SIGLEC15: variants seen among roughly 807,000 people sequenced by gnomAD.
SIGLEC15 encodes sialic acid-binding Ig-like lectin 15.
SIGLEC15 carries 31 observed loss-of-function variants against 26.2 expected under a neutral mutation model. The ratio of observed to expected loss-of-function variants is 1.18; its 90% CI spans 0.89 to 1.60. The LOEUF is 1.60. Ranked by LOEUF, SIGLEC15 falls within the 40% of genes most tolerant of loss-of-function variation. The probability of loss-of-function intolerance (pLI) is 0.00; values close to 1 mark genes in which losing one functional copy is unlikely to be tolerated. For missense variants in SIGLEC15, 501 were observed against 488.4 expected (o/e 1.03, Z -0.24); for synonymous variants, 207 against 221.9 (o/e 0.93, Z 0.60).
intron 2 of SIGLEC15, 56 bp downstream of exon 2, chr18:45,837,144 ACG>A: frequency 5.0e-6 from 8 of 1,602,684 alleles, no homozygotes; most frequent in Non-Finnish European, 6.8e-6. Flanking sequence ...TGTTTTAACC[ACG>A]AGATCCCAGG....
intron 5 of SIGLEC15, 27 bp from the exon 6 acceptor site, chr18:45,842,079 G>C: frequency 6.2e-7 from 1 of 1,610,938 alleles, no homozygotes; most frequent in Non-Finnish European, 8.5e-7. Context: ...CTGTTTGGAT[G>C]ATCATTCAAC....
rs531349182 is a variant in SIGLEC15 at position 45,829,517 on chromosome 18, C to T, written c.52+3737C>T. Among the ~76,000 whole-genome samples, 31 of 152,324 alleles carry T rather than the reference C, an allele frequency of 2.0e-4. 1 individual carries two copies. The highest frequency in any genetic ancestry group is 3.4e-3 in the Middle Eastern group (1 of 294). On this transcript the variant is annotated intron_variant, in intron 1 of 5. Transcript: ENST00000389474. Reference sequence around the variant, plus strand: ...AGCTGCAATGAGCCTCAGCTCCACCCACATACCTACAGGTGAGGTCGACAG... The same window carrying T: ...AGCTGCAATGAGCCTCAGCTCCACCTACATACCTACAGGTGAGGTCGACAG...
intron 1 of SIGLEC15, among the ~76,000 whole-genome samples, chr18:45,830,752 ATTT>A (rs34498635): frequency 2.3e-3 from 273 of 118,124 alleles, no homozygotes; most frequent in African/African-American, 7.2e-3. Flanking sequence ...TGCCAGGCTA[ATTT>A]TTTTTTTTTT....
intron 1 of SIGLEC15, among the ~76,000 whole-genome samples, chr18:45,828,729 C>T (rs2048207116): frequency 6.6e-6 from 1 of 152,232 alleles, no homozygotes; most frequent in African/African-American, 2.4e-5. Flanking sequence ...ACCTCTCCCG[C>T]ACCCTCCTGC....
In SIGLEC15 at chr18:45,840,256, C is replaced by T. The variant is rs117658632; in HGVS notation, c.905+15C>T. 1.7e-3 allele frequency: 2,728 copies of T among 1,610,230 alleles called. 27 individuals carry two copies. In the East Asian group the frequency reaches 0.026, roughly 15 times the overall value. ...ACCCCACCACGGTAAGTGAGCTCCC[C>T]GCCTCCACCCTACCCTACCCCACCC... On this transcript the variant is annotated intron_variant, in intron 5 of 5. Transcript: ENST00000389474.
Position 45,830,688 on chromosome 18 carries a change from C to T in SIGLEC15, c.52+4908C>T, listed in dbSNP as rs566651795. On this transcript the variant is annotated intron_variant, in intron 1 of 5. Coordinates refer to ENST00000389474, the MANE Select transcript of SIGLEC15 (RefSeq NM_213602.3). ...GCAACCTCCGCCTCCCAGGTTCAAG[C>T]GAGTCTCCTGCCTCAGCCTCTCAAG... Among the ~76,000 whole-genome samples, 5 of 137,422 alleles carry T rather than the reference C, an allele frequency of 3.6e-5. No individual in the cohort carries two copies. In the East Asian group the frequency reaches 9.8e-4, roughly 27 times the overall value. The allele number at this position is 137,422 out of a possible 152,430, so 90.2% of individuals were successfully genotyped here.
At chr18:45,839,238 C>A in intron 4 of SIGLEC15, 143 bp downstream of exon 4, 1 of 1,179,568 alleles carries the variant, frequency 8.5e-7, no homozygotes, top group Non-Finnish European at 1.1e-6. Context: ...CCTCTCTTTG[C>A]ATGAAGCCCA....
At chr18:45,834,990 T>C (rs772928155) in intron 1 of SIGLEC15, among the ~76,000 whole-genome samples, 1 of 152,146 alleles carries the variant, frequency 6.6e-6, no homozygotes, top group South Asian at 2.1e-4. Flanking sequence ...GCAAGGTTCT[T>C]TGATGATTAA....
At position 45,837,054 on chromosome 18, in the gene SIGLEC15, T is replaced by C; in HGVS notation, c.78T>C (p.Asp26=). 8.4e-6 allele frequency: 13 copies of C among 1,545,934 alleles called. No individual in the cohort carries two copies. Among genetic ancestry groups the C allele is most frequent in the Non-Finnish European group, 1.2e-5 (13 of 1,118,236 alleles). The change falls in exon 2 of 6, where the codon GAT becomes GAC. Residue 26 remains aspartate (D), a synonymous_variant. Transcript: ENST00000389474. Reference sequence around the variant, plus strand: ...GCTCATTTGTGAGAACTAAAATAGATACTACGGAGAACTTGCTCAACACAG... The same window carrying C: ...GCTCATTTGTGAGAACTAAAATAGACACTACGGAGAACTTGCTCAACACAG... ...PTGSFVRTKI[D]TTENLLNTEV...
intron 3 of SIGLEC15, 157 bp from the exon 4 acceptor site, chr18:45,838,561 C>A: frequency 1.1e-6 from 1 of 946,172 alleles, no homozygotes; most frequent in Non-Finnish European, 1.5e-6. Flanking sequence ...ATGATAGAAT[C>A]TTTCGCCCAA....
chr18:45,839,321 G>A (rs2048305265), intron 4 of SIGLEC15, among the ~76,000 whole-genome samples: 1 of 152,222 alleles, frequency 6.6e-6, no homozygotes, highest in Non-Finnish European at 1.5e-5. Flanking sequence ...TAAGTAACCT[G>A]CCTTTTGATA....
rs1207996911 is a variant in SIGLEC15 at position 45,837,623 on chromosome 18, G to C, written c.223G>C (p.Gly75Arg). The C allele has an allele frequency of 7.3e-6, 11 of 1,508,548 alleles. No individual in the cohort carries two copies. In the Admixed American group the frequency reaches 1.9e-4, roughly 26 times the overall value. The allele number at this position is 1,508,548 out of a possible 1,614,324, so 93.4% of individuals were successfully genotyped here. ...TFTHPHRHYDGPLTAIWRAGE... is the reference protein window; with the variant it reads ...TFTHPHRHYDRPLTAIWRAGE... ...CACGCACCCGCACCGCCACTACGAC[G>C]GGCCGCTGACGGCCATCTGGCGCGC... Residue 75 changes from glycine to arginine, a missense_variant, in exon 3 of 6, where the codon GGG becomes CGG. By Grantham distance (125) the Gly-to-Arg change is moderately radical. Transcript: ENST00000389474.
At chr18:45,835,299 G>A (rs2048268123) in intron 1 of SIGLEC15, among the ~76,000 whole-genome samples, 1 of 152,176 alleles carries the variant, frequency 6.6e-6, no homozygotes, top group African/African-American at 2.4e-5. Flanking sequence ...TCTCAGAGAT[G>A]GGCATGTGCA....
intron 1 of SIGLEC15, among the ~76,000 whole-genome samples, chr18:45,830,112 G>A (rs371543645): frequency 0.012 from 1,098 of 90,208 alleles, 14 homozygotes; most frequent in African/African-American, 0.044. Flanking sequence ...TAACAGAAGC[G>A]TGACTACGCC....
chr18:45,833,609 G>A (rs753126107), intron 1 of SIGLEC15, among the ~76,000 whole-genome samples: 3 of 152,088 alleles, frequency 2.0e-5, no homozygotes, highest in Non-Finnish European at 2.9e-5. Flanking sequence ...CACCACGCCC[G>A]GCCTCTTGTG....
chr18:45,829,207 A>G, intron 1 of SIGLEC15: 1 of 946,090 alleles, frequency 1.1e-6, no homozygotes, highest in Non-Finnish European at 1.3e-6. Context: ...CACCCACGCC[A>G]CAGTCAGCCT....
intron 1 of SIGLEC15, 139 bp downstream of exon 1, chr18:45,825,919 G>GCACCACA: frequency 1.0e-6 from 1 of 1,000,390 alleles, no homozygotes; most frequent in Non-Finnish European, 1.5e-6. Flanking sequence ...GCTGCGCTTG[G>GCACCACA]GGCCTGTGGT....
In SIGLEC15 at chr18:45,842,382, T is replaced by C; in HGVS notation, c.*195T>C. On this transcript the variant is annotated 3_prime_UTR_variant, in exon 6 of 6. Transcript: ENST00000389474. ...CCTATGTGGACAACCATTTCGGAGC[T>C]CCCTGATATTTTTGCCAGCATTTCG... The C allele has an allele frequency of 1.7e-6, 1 of 596,478 alleles. No individual in the cohort carries two copies. Among genetic ancestry groups the C allele is most frequent in the South Asian group, 2.0e-5 (1 of 49,032 alleles). The allele number at this position is 596,478 out of a possible 1,614,324, so 36.9% of individuals were successfully genotyped here. A position where few individuals can be genotyped will look rare whatever the true frequency, so the allele number is the denominator to read the frequency against.
intron 1 of SIGLEC15, 87 bp from the exon 2 acceptor site, chr18:45,836,942 A>G: frequency 1.3e-6 from 1 of 779,592 alleles, no homozygotes. Flanking sequence ...GCTTGGCCTC[A>G]TGCTGGCAGT....
Sources: gnomAD v4.1 joint callset for allele counts (sites outside exome capture counted in the v4.1 genomes callset) on GRCh38, gnomAD v4.1.1 for gene constraint, MANE v1.5 for transcripts, NCBI Gene and HGNC (gene_info 2026-07-23, HGNC 2026-07-21) for gene names.